The following BACH2 variants were observed in gnomAD, a reference collection of about 807,000 sequenced individuals.
The protein encoded by BACH2 is BACH transcriptional regulator 2.
In BACH2, 5 loss-of-function variants were observed where a neutral mutation model predicts 61.8. That is an observed-to-expected ratio of 0.08 (90% confidence interval 0.04 to 0.17). BACH2 has a LOEUF of 0.17. BACH2 is among the 10% of genes least tolerant of loss of function. The pLI, the probability that BACH2 is intolerant of heterozygous loss-of-function variation, is 1.00. For synonymous variants in BACH2, 446 were observed against 440.1 expected (o/e 1.01, Z -0.17); for missense variants, 824 against 1,091.1 (o/e 0.76, Z 3.45).
At chr6:90,277,247 T>C (rs960971607) in intron 1 of BACH2, among the ~76,000 whole-genome samples, 4 of 152,222 alleles carry the variant, frequency 2.6e-5, no homozygotes, top group African/African-American at 9.6e-5. Flanking sequence ...CTGGAAACTA[T>C]ACAAATTAAT....
At chr6:90,122,738 C>T (rs897751555) in intron 4 of BACH2, among the ~76,000 whole-genome samples, 1 of 152,202 alleles carries the variant, frequency 6.6e-6, no homozygotes, top group African/African-American at 2.4e-5. Context: ...GCTCTCCCAG[C>T]CCCTCTGATG....
At chr6:90,034,018 G>A (rs1367901788) in intron 5 of BACH2, among the ~76,000 whole-genome samples, 1 of 152,106 alleles carries the variant, frequency 6.6e-6, no homozygotes, top group African/African-American at 2.4e-5. Flanking sequence ...TAGACAACTG[G>A]AAAAGAAGAT....
At chr6:89,934,857 G>A (rs1772914426) in intron 8 of BACH2, among the ~76,000 whole-genome samples, 1 of 152,038 alleles carries the variant, frequency 6.6e-6, no homozygotes, top group Non-Finnish European at 1.5e-5. Flanking sequence ...CATGCGACAC[G>A]CACAAGGAAC....
At chr6:90,089,848 C>T (rs1418929819) in intron 4 of BACH2, among the ~76,000 whole-genome samples, 1 of 151,884 alleles carries the variant, frequency 6.6e-6, no homozygotes, top group Non-Finnish European at 1.5e-5. Context: ...TGGAGCAGCA[C>T]CCTATAATAT....
chr6:90,284,510 C>T (rs139618967), intron 1 of BACH2, among the ~76,000 whole-genome samples: 1 of 152,274 alleles, frequency 6.6e-6, no homozygotes, highest in African/African-American at 2.4e-5. Flanking sequence ...GTAGTCTGCA[C>T]CAGTATTTTC....
At chr6:90,120,242 A>G (rs1783567480) in intron 4 of BACH2, among the ~76,000 whole-genome samples, 1 of 150,724 alleles carries the variant, frequency 6.6e-6, no homozygotes, top group Admixed American at 6.6e-5. Flanking sequence ...GAAGAGGTCC[A>G]TGATGGTCAC....
intron 4 of BACH2, among the ~76,000 whole-genome samples, chr6:90,130,859 C>A (rs868032017): frequency 6.6e-6 from 1 of 152,174 alleles, no homozygotes; most frequent in African/African-American, 2.4e-5. Flanking sequence ...TTAAGACCTG[C>A]GGTTAATCTG....
intron 4 of BACH2, among the ~76,000 whole-genome samples, chr6:90,196,168 A>T (rs1423415653): frequency 6.6e-6 from 1 of 152,154 alleles, no homozygotes; most frequent in Non-Finnish European, 1.5e-5. Context: ...TGGAACAAAT[A>T]AGAAAATATG....
chr6:90,055,606 T>C (rs1053281228), intron 5 of BACH2, among the ~76,000 whole-genome samples: 2 of 147,476 alleles, frequency 1.4e-5, no homozygotes, highest in African/African-American at 5.4e-5. Flanking sequence ...ACATTCAGAT[T>C]CAGGAAATAC....
intron 4 of BACH2, among the ~76,000 whole-genome samples, chr6:90,147,700 A>G (rs1371084561): frequency 1.3e-5 from 2 of 152,204 alleles, no homozygotes; most frequent in Middle Eastern, 6.3e-3. Flanking sequence ...TTCCTGTTGT[A>G]TAAAAGAACA....
chr6:90,149,688 C>T (rs1784744467), intron 4 of BACH2, among the ~76,000 whole-genome samples: 1 of 152,204 alleles, frequency 6.6e-6, no homozygotes. Flanking sequence ...TACAAAAATC[C>T]AATTGCTGGA....
intron 4 of BACH2, among the ~76,000 whole-genome samples, chr6:90,112,687 C>T (rs1476106544): frequency 2.0e-5 from 3 of 152,162 alleles, no homozygotes; most frequent in African/African-American, 7.2e-5. Context: ...TGCAAAGCAA[C>T]CACACAAACA....
chr6:90,258,296 T>C (rs1453717438), intron 2 of BACH2, among the ~76,000 whole-genome samples: 1 of 152,204 alleles, frequency 6.6e-6, no homozygotes, highest in Non-Finnish European at 1.5e-5. Flanking sequence ...AATCCAGTTT[T>C]CTTAACATCC....
At chr6:90,043,951 C>T (rs540356999) in intron 5 of BACH2, among the ~76,000 whole-genome samples, 1 of 152,276 alleles carries the variant, frequency 6.6e-6, no homozygotes, top group East Asian at 1.9e-4. Flanking sequence ...CCCTGGAGCA[C>T]AATGCCTGAA....
chr6:89,961,498 TG>T (rs1774742336), intron 6 of BACH2, among the ~76,000 whole-genome samples: 1 of 152,168 alleles, frequency 6.6e-6, no homozygotes, highest in East Asian at 1.9e-4. Flanking sequence ...CAGAAACCAG[TG>T]ATTTTCCTAG....
intron 5 of BACH2, among the ~76,000 whole-genome samples, chr6:90,024,531 T>C (rs1778537620): frequency 6.6e-6 from 1 of 152,228 alleles, no homozygotes; most frequent in Non-Finnish European, 1.5e-5. Context: ...CACTTCTATT[T>C]CCTTATCTAT....
intron 1 of BACH2, among the ~76,000 whole-genome samples, chr6:90,289,237 A>G (rs1772111093): frequency 6.6e-6 from 1 of 152,222 alleles, no homozygotes; most frequent in Admixed American, 6.5e-5. Context: ...AGGAAAAGGG[A>G]GAGCCATAAC....
rs544430831 is a variant in BACH2, at chr6:90,113,141, C to T, written c.-161-24032G>A. Among the ~76,000 whole-genome samples the T allele has an allele frequency of 3.3e-5, 5 of 152,244 alleles. No individual in the cohort carries two copies. The South Asian group carries it at 1.0e-3, about 32-fold the overall frequency. ...AGACCTACAAAGAGATACAGATTCC[C>T]ACACAATAGTTGTGGGAGACTTCAA... On this transcript the variant is annotated intron_variant, in intron 4 of 8. Transcript: ENST00000257749.
intron 5 of BACH2, among the ~76,000 whole-genome samples, chr6:90,012,647 A>T (rs185365927): frequency 7.9e-5 from 12 of 151,440 alleles, no homozygotes; most frequent in African/African-American, 2.4e-4. Flanking sequence ...AAAAAAGAAA[A>T]TTTTTTTCTC....
Sources: gnomAD v4.1 joint callset for allele counts (sites outside exome capture counted in the v4.1 genomes callset) on GRCh38, gnomAD v4.1.1 for gene constraint, MANE v1.5 for transcripts, NCBI Gene and HGNC (gene_info 2026-07-23, HGNC 2026-07-21) for gene names.